Variants in TMEM63A observed in about 807,000 individuals in gnomAD.
TMEM63A encodes the protein transmembrane protein 63A, also known as mechanosensitive cation channel TMEM63A.
Under a neutral mutation model 100.6 loss-of-function variants are expected in TMEM63A, and 76 were observed. That is an observed-to-expected ratio of 0.76 (90% CI 0.63 to 0.91). The LOEUF (loss-of-function observed/expected upper bound fraction) is 0.91. Among genes scored for constraint, TMEM63A ranks in the 40% least tolerant of loss-of-function variants. TMEM63A has a pLI of 0.00. For synonymous variants in TMEM63A, 401 were observed against 401.1 expected, an observed-to-expected ratio of 1.00 and a Z score of 0.00; for missense variants, 876 against 1,008.8, an observed-to-expected ratio of 0.87 and a Z score of 1.78.
chr1:225,866,576 G>T lies in TMEM63A; in HGVS notation c.673C>A (p.Leu225Met). The change falls in exon 9 of 25, where the codon CTG (leucine) becomes ATG (methionine). Residue 225 changes from leucine to methionine, a missense_variant and splice_region_variant. Physicochemically the swap from Leu to Met is conservative, Grantham distance 15. Around this residue, in one of 5 missense-constraint regions of TMEM63A, gnomAD observed 487 missense variants for 581.9 expected, o/e 0.84. Transcript: ENST00000366835. ...TCCCTAAGTCCCGCCTCACTCACCA[G>T]GTTCTCCTCTTTGTACTTAATGGAC... ...TQSIKYKEENLVRRTLFITGL... is the reference protein window; with the variant it reads ...TQSIKYKEENMVRRTLFITGL... 1 of 1,613,750 alleles carries T rather than the reference G, an allele frequency of 6.2e-7. No homozygotes were observed. The highest frequency in any genetic ancestry group is 1.1e-5 in the South Asian group (1 of 91,038).
chr1:225,842,848 G>A (rs1559026740), downstream of TMEM63A, among the ~76,000 whole-genome samples: 1 of 152,222 alleles, frequency 6.6e-6, no homozygotes, highest in Admixed American at 6.5e-5. Flanking sequence ...ACGTGACTGC[G>A]TGTTCCAGGA....
chr1:225,842,405 A>G (rs1047150720), downstream of TMEM63A: 5 of 1,613,992 alleles, frequency 3.1e-6, no homozygotes, highest in South Asian at 1.1e-5. Flanking sequence ...CTGGCTGCCT[A>G]TATTCTAGAG....
chr1:225,845,142 C>T, downstream of TMEM63A: 1 of 1,614,078 alleles, frequency 6.2e-7, no homozygotes, highest in Non-Finnish European at 8.5e-7. Context: ...TCTTTCACTT[C>T]CAGGATGAAG....
chr1:225,870,701 A>C (rs1670469641), intron 6 of TMEM63A, among the ~76,000 whole-genome samples: 1 of 152,246 alleles, frequency 6.6e-6, no homozygotes, highest in Non-Finnish European at 1.5e-5. Context: ...AAATAGCTTT[A>C]ATTAGTTTGT....
In TMEM63A at chr1:225,879,279, C is replaced by A. The variant is rs1424389534; in HGVS notation, c.-74G>T. 6.6e-6 allele frequency: 1 copy of A among 152,244 alleles called. No individual in the cohort carries two copies. The allele number at this position is 152,244 out of a possible 1,614,324, so 9.4% of individuals were successfully genotyped here. ...CCGTTGGAGAGGTCCTCAGTTGGAG[C>A]TGTCTCTGGCAAAGGCAAAAGCAGC... On this transcript the variant is annotated 5_prime_UTR_variant, in exon 2 of 25. Transcript: ENST00000366835.
downstream of TMEM63A, chr1:225,844,741 C>T (rs773719891): frequency 3.5e-5 from 52 of 1,480,422 alleles, no homozygotes; most frequent in Non-Finnish European, 4.3e-5. Flanking sequence ...CCTGCAGGTG[C>T]CCCAGGGGCC....
In TMEM63A at chr1:225,862,560, G is replaced by T; in HGVS notation, c.846C>A (p.Ser282Arg). 6.2e-7 allele frequency: 1 copy of T among 1,613,780 alleles called. No homozygotes were observed. The highest frequency in any genetic ancestry group is 1.1e-5 in the South Asian group (1 of 91,058). ...CCTGCAGGTTTGTGTAATAGGTCAGGCTCTTCTCAGTCTTCTTTCTGTAGG... is the reference window on the plus strand; with the variant it reads ...CCTGCAGGTTTGTGTAATAGGTCAGTCTCTTCTCAGTCTTCTTTCTGTAGG... ...LCKEKKKTEK[S>R]LTYYTNLQVK... Residue 282 changes from serine (S) to arginine (R), a missense_variant, in exon 12 of 25, where the codon AGC (serine) becomes AGA (arginine). Physicochemically the swap from Ser to Arg is moderately radical, Grantham distance 110 (BLOSUM62 -1). Coordinates refer to ENST00000366835, the MANE Select transcript of TMEM63A (RefSeq NM_014698.3). The surrounding 1 kb of genome is among the most constrained non-coding windows in gnomAD (Gnocchi z 5.1).
rs896315281 is a variant in TMEM63A, at chr1:225,867,013, C to G, written c.566+99G>C. The G allele has an allele frequency of 4.0e-6, 5 of 1,241,148 alleles. No individual in the cohort carries two copies. In the African/African-American group the frequency reaches 7.4e-5, roughly 18 times the overall value. The allele number at this position is 1,241,148 out of a possible 1,614,324, so 76.9% of individuals were successfully genotyped here. On this transcript the variant is annotated intron_variant, in intron 8 of 24. Coordinates refer to ENST00000366835, the MANE Select transcript of TMEM63A (RefSeq NM_014698.3). The surrounding 1 kb of genome is among the most constrained non-coding windows in gnomAD (Gnocchi z 4.6). ...CTGCAAGGGGCCTTCAGATACCAGC[C>G]GGCCCCCTTTGGAGTACCTCTGGCC...
In TMEM63A at chr1:225,862,772, TCTC is replaced by T. The variant is rs761921126; in HGVS notation, c.823_825del (p.Glu275del). The T allele has an allele frequency of 3.1e-6, 5 of 1,613,808 alleles. No individual in the cohort carries two copies. The highest frequency in any genetic ancestry group is 2.7e-5 in the African/African-American group (2 of 74,892). On this transcript the variant is annotated inframe_deletion and splice_region_variant, in exon 11 of 25. Coordinates refer to ENST00000366835, the MANE Select transcript of TMEM63A (RefSeq NM_014698.3). The surrounding 1 kb of genome is among the most constrained non-coding windows in gnomAD (Gnocchi z 5.1). Reference sequence around the variant, plus strand: ...TTGCAAGGCCCGCCCACCACTCACTTCTCCTTGCACAGGTAGATCAGTTTGGCC... The same window carrying T: ...TTGCAAGGCCCGCCCACCACTCACTTCTTGCACAGGTAGATCAGTTTGGCC...
In TMEM63A at chr1:225,867,232, C is replaced by T; in HGVS notation, c.515-69G>A. The T allele has an allele frequency of 2.0e-6, 3 of 1,536,426 alleles. No individual in the cohort carries two copies. The highest frequency in any genetic ancestry group is 1.1e-5 in the South Asian group (1 of 89,546). On this transcript the variant is annotated intron_variant, in intron 7 of 24. Coordinates refer to ENST00000366835, the MANE Select transcript of TMEM63A (RefSeq NM_014698.3). The surrounding 1 kb of genome is among the most constrained non-coding windows in gnomAD (Gnocchi z 4.6). ...AGCAGGAGGGGGCGTAACCAATCAG[C>T]CTTGGTTTGTGGAGCTCTGGGGAGG...
chr1:225,854,113 G>A (rs1299933320), intron 18 of TMEM63A, among the ~76,000 whole-genome samples: 1 of 149,424 alleles, frequency 6.7e-6, no homozygotes, highest in Non-Finnish European at 1.5e-5. Flanking sequence ...TACAGGGGTT[G>A]GAGGAGCCTT....
At chr1:225,841,972 C>T (rs1668467033), downstream of TMEM63A, among the ~76,000 whole-genome samples, 1 of 152,132 alleles carries the variant, frequency 6.6e-6, no homozygotes, top group Non-Finnish European at 1.5e-5. Context: ...GTAACTGATC[C>T]CCTATTTTAG....
At chr1:225,879,466 G>T (rs983428481) in intron 1 of TMEM63A, 56 bp from the exon 2 acceptor site, 1 of 152,284 alleles carries the variant, frequency 6.6e-6, no homozygotes, top group Non-Finnish European at 1.5e-5. Flanking sequence ...CCAGTGTAGG[G>T]GTCTGGATGG....
At chr1:225,876,651 T>G (rs1039291842) in intron 3 of TMEM63A, among the ~76,000 whole-genome samples, 1 of 102,086 alleles carries the variant, frequency 9.8e-6, no homozygotes, top group African/African-American at 2.8e-5. Context: ...TTTTTTTGTT[T>G]TTTTGGTTTT....
intron 19 of TMEM63A, among the ~76,000 whole-genome samples, chr1:225,852,986 A>C (rs111990): frequency 0.53 from 81,276 of 151,998 alleles, 23,579 homozygotes; most frequent in Middle Eastern, 0.64. Flanking sequence ...CGTGTTTGCT[A>C]GTGCTCCCTT....
intron 20 of TMEM63A, among the ~76,000 whole-genome samples, chr1:225,850,947 G>A (rs1206656146): frequency 2.6e-5 from 4 of 152,030 alleles, no homozygotes; most frequent in Non-Finnish European, 5.9e-5. Flanking sequence ...TCCTGACCTC[G>A]TGATCCGCCC....
intron 8 of TMEM63A, 151 bp from the exon 9 acceptor site, chr1:225,866,833 C>A: frequency 1.4e-6 from 1 of 732,846 alleles, no homozygotes; most frequent in Non-Finnish European, 2.3e-6. Flanking sequence ...GTGTGGCCAG[C>A]ACCCCTCAGC....
In TMEM63A at chr1:225,848,916, A is replaced by G; in HGVS notation, c.2168T>C (p.Leu723Pro). 1 of 1,595,172 alleles carries G rather than the reference A, an allele frequency of 6.3e-7. No individual in the cohort carries two copies. The highest frequency in any genetic ancestry group is 8.5e-7 in the Non-Finnish European group (1 of 1,171,812). ...AHTCFGCFKHLSPLNYKTEEP... is the reference protein window; with the variant it reads ...AHTCFGCFKHPSPLNYKTEEP... The stretch of plus-strand genomic sequence containing the variant: ...CTTTACTTTGTAGTTCAGAGGGCTG[A>G]GGTGCTTGAAGCATCCAAAGCAGGT... Residue 723 changes from leucine (L) to proline (P), a missense_variant, in exon 22 of 25, where the codon CTC (leucine) becomes CCC (proline). Around this residue, in one of 5 missense-constraint regions of TMEM63A, gnomAD observed 339 missense variants for 342.3 expected, o/e 0.99. Coordinates refer to ENST00000366835, the MANE Select transcript of TMEM63A (RefSeq NM_014698.3).
chr1:225,874,021 T>C (rs1020644162), intron 4 of TMEM63A, among the ~76,000 whole-genome samples: 6 of 152,232 alleles, frequency 3.9e-5, no homozygotes, highest in Admixed American at 6.5e-5. Context: ...GTAGCGAGGC[T>C]GACCTCATGG....
Sources: gnomAD v4.1 joint callset for allele counts (sites outside exome capture counted in the v4.1 genomes callset) on GRCh38, gnomAD v4.1.1 for gene constraint, gnomAD v4.1.1 regional missense constraint, Gnocchi (gnomAD v3.1) non-coding constraint, MANE v1.5 for transcripts, NCBI Gene and HGNC (gene_info 2026-07-23, HGNC 2026-07-21) for gene names.